The following PTPRD variants were observed in gnomAD, a reference collection of about 807,000 sequenced individuals.
The protein encoded by PTPRD is protein tyrosine phosphatase receptor type D, also known as receptor-type tyrosine-protein phosphatase delta.
A neutral mutation model predicts 214.5 loss-of-function variants in PTPRD; 34 were observed. The ratio of observed to expected loss-of-function variants is 0.16; its 90% CI spans 0.12 to 0.21. The LOEUF is 0.21. Ranked by LOEUF, PTPRD falls within the 10% of genes least tolerant of loss-of-function variation. The probability of loss-of-function intolerance (pLI) is 1.00; values close to 1 mark genes in which losing one functional copy is unlikely to be tolerated. For missense variants in PTPRD, 2,545 were observed against 2,398.7 expected (o/e 1.06, Z -1.27); for synonymous variants, 1,128 against 845.7 (o/e 1.33, Z -5.79).
At chr9:10,116,359 T>C (rs2098731332) in intron 3 of PTPRD, among the ~76,000 whole-genome samples, 1 of 152,132 alleles carries the variant, frequency 6.6e-6, no homozygotes, top group Non-Finnish European at 1.5e-5. Flanking sequence ...GGTCACTTAA[T>C]TGATTATGAA....
chr9:10,365,124 C>G (rs1380314885), intron 2 of PTPRD, among the ~76,000 whole-genome samples: 1 of 152,182 alleles, frequency 6.6e-6, no homozygotes, highest in African/African-American at 2.4e-5. Context: ...ATCATCTCTT[C>G]TTTGGACTAT....
intron 14 of PTPRD, among the ~76,000 whole-genome samples, chr9:8,565,966 T>G (rs2154218650): frequency 6.6e-6 from 1 of 152,226 alleles, no homozygotes; most frequent in East Asian, 1.9e-4. Context: ...TCAGGACTGG[T>G]TTTGAAGTAT....
chr9:10,309,964 C>CT, intron 3 of PTPRD, among the ~76,000 whole-genome samples: 1 of 152,084 alleles, frequency 6.6e-6, no homozygotes, highest in South Asian at 2.1e-4. Flanking sequence ...TGTCATAAAA[C>CT]TTTTAATGAA....
rs202247306 is a variant in PTPRD at position 8,507,427 on chromosome 9, C to T, written c.1551G>A (p.Gly517=). The change falls in exon 22 of 46, where the codon GGG becomes GGA. Residue 517 remains glycine (G), a synonymous_variant. Transcript: ENST00000381196. The stretch of plus-strand genomic sequence containing the variant: ...GTTCTGCTTTGAAGTTTAGTGGCTG[C>T]CCTGGTACTAAAAACAGGGAGGCAA... The part of the protein sequence containing the change: ...IQVITQTGVP[G]QPLNFKAEPE... The T allele has an allele frequency of 6.2e-7, 1 of 1,611,932 alleles. No homozygotes were observed. The highest frequency in any genetic ancestry group is 8.5e-7 in the Non-Finnish European group (1 of 1,179,568).
rs143215517 is a variant in PTPRD at position 9,195,490 on chromosome 9, G to A, written c.-202-12127C>T. ...GAAGACATTTGTTGGGGATTAAGTA[G>A]GGACTGTGCTGGTCTGTTTCAGTAT... On this transcript the variant is annotated intron_variant, in intron 9 of 45. Transcript: ENST00000381196. Among the ~76,000 whole-genome samples, 438 of 152,174 alleles carry A rather than the reference G, an allele frequency of 2.9e-3. 1 individual carries two copies. Among genetic ancestry groups the A allele is most frequent in the Middle Eastern group, 0.017 (5 of 294 alleles).
chr9:9,467,944 T>G (rs13286779), intron 8 of PTPRD, among the ~76,000 whole-genome samples: 1 of 152,100 alleles, frequency 6.6e-6, no homozygotes, highest in African/African-American at 2.4e-5. Flanking sequence ...TAAGACAGGT[T>G]AGCCTACACA....
intron 7 of PTPRD, among the ~76,000 whole-genome samples, chr9:9,674,665 T>C (rs906817208): frequency 4.6e-5 from 7 of 151,782 alleles, no homozygotes; most frequent in Admixed American, 6.6e-5. Flanking sequence ...GCGAATTATA[T>C]TAATCTTAGG....
chr9:9,197,608 A>C (rs1316203043), intron 9 of PTPRD, among the ~76,000 whole-genome samples: 1 of 151,996 alleles, frequency 6.6e-6, no homozygotes, highest in Admixed American at 6.6e-5. Flanking sequence ...ATGGAGTTTC[A>C]CCATGTTGGC....
chr9:9,819,685 C>T (rs1035141612), intron 5 of PTPRD, among the ~76,000 whole-genome samples: 2 of 152,012 alleles, frequency 1.3e-5, no homozygotes, highest in African/African-American at 4.8e-5. Context: ...TTCTAGTAGT[C>T]CCCAGATTCT....
chr9:9,369,754 T>G (rs976073327), intron 9 of PTPRD, among the ~76,000 whole-genome samples: 3 of 152,196 alleles, frequency 2.0e-5, no homozygotes, highest in Non-Finnish European at 2.9e-5. Context: ...GTCTAACACA[T>G]AAGTCTTTAA....
chr9:8,933,340 G>GTTTTTTTTTTTGTTTT (rs2098966774), intron 11 of PTPRD, among the ~76,000 whole-genome samples: 1 of 80,430 alleles, frequency 1.2e-5, no homozygotes, highest in Admixed American at 1.6e-4. Context: ...CAACCTTGAG[G>GTTTTTTTTTTTGTTTT]TTTTTTTTTT....
chr9:9,690,733 A>C (rs1374048999), intron 7 of PTPRD, among the ~76,000 whole-genome samples: 2 of 151,912 alleles, frequency 1.3e-5, no homozygotes. Flanking sequence ...TTATTTTGCC[A>C]ATGTACACTT....
chr9:9,469,413 C>T (rs931764620), intron 8 of PTPRD, among the ~76,000 whole-genome samples: 15 of 152,152 alleles, frequency 9.9e-5, no homozygotes, highest in African/African-American at 2.4e-5. Context: ...AAAGGGCTCA[C>T]TGGGTCTCAC....
At chr9:8,703,105 A>T (rs1405874882) in intron 12 of PTPRD, among the ~76,000 whole-genome samples, 1 of 152,234 alleles carries the variant, frequency 6.6e-6, no homozygotes, top group Non-Finnish European at 1.5e-5. Flanking sequence ...TCAGATACCA[A>T]ATTATGAAAA....
At chr9:9,770,866 T>C (rs928133796) in intron 5 of PTPRD, among the ~76,000 whole-genome samples, 5 of 152,176 alleles carry the variant, frequency 3.3e-5, no homozygotes, top group African/African-American at 4.8e-5. Context: ...AATTTTGTTT[T>C]TGTTGCTGTT....
intron 9 of PTPRD, among the ~76,000 whole-genome samples, chr9:9,234,793 G>C (rs993473016): frequency 3.3e-5 from 5 of 152,092 alleles, no homozygotes; most frequent in Non-Finnish European, 5.9e-5. Flanking sequence ...GGACTTCATT[G>C]TCCATACCAC....
chr9:9,694,740 G>A (rs747254529), intron 7 of PTPRD, among the ~76,000 whole-genome samples: 3 of 152,070 alleles, frequency 2.0e-5, no homozygotes, highest in Non-Finnish European at 4.4e-5. Flanking sequence ...GCCTCTCCCT[G>A]TGGCTGCCAC....
At chr9:9,313,289 T>C (rs1366467324) in intron 9 of PTPRD, among the ~76,000 whole-genome samples, 1 of 152,168 alleles carries the variant, frequency 6.6e-6, no homozygotes, top group Non-Finnish European at 1.5e-5. Flanking sequence ...GAAATATGTA[T>C]AGATGATCTC....
intron 9 of PTPRD, among the ~76,000 whole-genome samples, chr9:9,365,998 C>A (rs1254994676): frequency 1.3e-5 from 2 of 151,238 alleles, no homozygotes; most frequent in Non-Finnish European, 3.0e-5. Flanking sequence ...TATTATAAAT[C>A]TTTACAAAGA....
Sources: allele counts gnomAD v4.1 joint callset (sites outside exome capture counted in the v4.1 genomes callset), GRCh38; gene constraint gnomAD v4.1.1; transcripts MANE v1.5; gene names NCBI Gene and HGNC (gene_info 2026-07-23, HGNC 2026-07-21).